The following BRI3BP variants were observed in gnomAD, a reference collection of about 807,000 sequenced individuals.
The protein encoded by BRI3BP is BRI3 binding protein, also known as BRI3-binding protein.
BRI3BP carries 7 observed loss-of-function variants against 15.8 expected under a neutral mutation model. The ratio of observed to expected loss-of-function variants is 0.44; its 90% CI spans 0.25 to 0.83. The LOEUF (loss-of-function observed/expected upper bound fraction) is 0.83, where lower values mean the gene tolerates loss of function less well. Among genes scored for constraint, BRI3BP ranks in the 40% least tolerant of loss-of-function variants. The probability of loss-of-function intolerance (pLI) is 0.20; values close to 1 mark genes in which losing one functional copy is unlikely to be tolerated. For synonymous variants in BRI3BP, 192 were observed against 163.5 expected, an observed-to-expected ratio of 1.17 and a Z score of -1.33; for missense variants, 320 against 339.3, an observed-to-expected ratio of 0.94 and a Z score of 0.45.
At chr12:125,006,889 G>A (rs1955148728) in intron 1 of BRI3BP, among the ~76,000 whole-genome samples, 1 of 152,042 alleles carries the variant, frequency 6.6e-6, no homozygotes, top group African/African-American at 2.4e-5. Context: ...CCCTCCATTT[G>A]AACAAATTAT....
the BRI3BP span, among the ~76,000 whole-genome samples, chr12:125,046,801 G>A: frequency 6.6e-6 from 1 of 152,088 alleles, no homozygotes; most frequent in Non-Finnish European, 1.5e-5. Flanking sequence ...ATTCACAAAG[G>A]TCTCACATAA....
At chr12:125,005,576 T>C (rs956096965) in intron 1 of BRI3BP, among the ~76,000 whole-genome samples, 1 of 151,928 alleles carries the variant, frequency 6.6e-6, no homozygotes, top group African/African-American at 2.4e-5. Context: ...CAAGACCAGT[T>C]TGGCCAACAT....
downstream of BRI3BP, among the ~76,000 whole-genome samples, chr12:125,034,701 T>G (rs1368257109): frequency 1.3e-5 from 2 of 151,854 alleles, no homozygotes; most frequent in Non-Finnish European, 2.9e-5. Context: ...GCAATTCTCC[T>G]GCCTCAGCCT....
rs1021399289 is a variant in BRI3BP at position 125,029,007 on chromosome 12, A to G, written c.*3577A>G. On this transcript the variant is annotated 3_prime_UTR_variant, in exon 3 of 3. Transcript: ENST00000341446. Reference sequence around the variant, plus strand: ...ACTGGTTCTGTTATAATTAAGACTCAGTGTTTAAAATATCTTAATCAGTGT... The same window carrying G: ...ACTGGTTCTGTTATAATTAAGACTCGGTGTTTAAAATATCTTAATCAGTGT... 6.6e-6 allele frequency: 1 copy of G among 152,186 alleles called. No individual in the cohort carries two copies. The highest frequency in any genetic ancestry group is 2.4e-5 in the African/African-American group (1 of 41,446). The allele number at this position is 152,186 out of a possible 1,614,324, so 9.4% of individuals were successfully genotyped here.
chr12:125,007,053 G>A (rs1415333010), intron 1 of BRI3BP, among the ~76,000 whole-genome samples: 2 of 151,892 alleles, frequency 1.3e-5, no homozygotes, highest in African/African-American at 2.4e-5. Context: ...ATAAAAATTA[G>A]CCAGGTATGG....
chr12:125,042,681 C>T, the BRI3BP span, among the ~76,000 whole-genome samples: 1 of 151,954 alleles, frequency 6.6e-6, no homozygotes, highest in Non-Finnish European at 1.5e-5. Flanking sequence ...ATTACAGGCA[C>T]CCACCACCAC....
chr12:125,040,004 C>T, the BRI3BP span, among the ~76,000 whole-genome samples: 1 of 152,156 alleles, frequency 6.6e-6, no homozygotes, highest in Non-Finnish European at 1.5e-5. Flanking sequence ...TGGCTCATGC[C>T]TATAATCCCA....
At chr12:125,013,522 C>G (rs1310319327) in intron 2 of BRI3BP, among the ~76,000 whole-genome samples, 1 of 152,216 alleles carries the variant, frequency 6.6e-6, no homozygotes, top group Non-Finnish European at 1.5e-5. Flanking sequence ...CACTTAATTT[C>G]CAAAGTCGTG....
downstream of BRI3BP, among the ~76,000 whole-genome samples, chr12:125,035,394 CTTTTT>C (rs55943185): frequency 4.5e-5 from 6 of 131,922 alleles, no homozygotes; most frequent in Non-Finnish European, 8.3e-5. Flanking sequence ...TAGGTATTGT[CTTTTT>C]TTTTTTTTTT....
intron 1 of BRI3BP, among the ~76,000 whole-genome samples, chr12:124,996,803 G>A (rs1955044881): frequency 6.9e-6 from 1 of 145,112 alleles, no homozygotes; most frequent in Non-Finnish European, 1.5e-5. Context: ...TTGTCGCCCA[G>A]GCTGGAATGC....
rs1001618083 is a variant in BRI3BP at position 124,993,699 on chromosome 12, C to G, written c.-92C>G. 8.4e-6 allele frequency: 6 copies of G among 717,370 alleles called. No individual in the cohort carries two copies. The highest frequency in any genetic ancestry group is 1.0e-5 in the Non-Finnish European group (6 of 587,104). 44.4% of individuals were successfully genotyped at this position (717,370 alleles called of 1,614,324 possible). A position where few individuals can be genotyped will look rare whatever the true frequency, so the allele number is the denominator to read the frequency against. On this transcript the variant is annotated 5_prime_UTR_variant, in exon 1 of 3. Transcript: ENST00000341446. ...GGGTAAAGGCGCGGCGCGCGGCCCC[C>G]GAGCGCGCCAACCTTGCCCTAGCCG...
At chr12:125,004,155 CTTTTTTAAATTTTTAAAT>C (rs1469874901) in intron 1 of BRI3BP, among the ~76,000 whole-genome samples, 2 of 152,096 alleles carry the variant, frequency 1.3e-5, no homozygotes, top group Non-Finnish European at 2.9e-5. Flanking sequence ...TTTTAAGTCT[CTTTTTTAAATTTTTAAAT>C]TTTTTTAAAA....
chr12:125,022,594 T>C (rs11057995), intron 2 of BRI3BP, among the ~76,000 whole-genome samples: 70,483 of 149,382 alleles, frequency 0.47, 18,461 homozygotes, highest in African/African-American at 0.69. Context: ...GTGGCGCCAT[T>C]GGCTCACTGC....
Position 124,993,897 on chromosome 12 carries a change from G to C in BRI3BP, c.107G>C (p.Arg36Pro). The C allele has an allele frequency of 7.9e-7, 1 of 1,266,908 alleles. No individual in the cohort carries two copies. The highest frequency in any genetic ancestry group is 2.3e-5 in the South Asian group (1 of 43,660). The allele number at this position is 1,266,908 out of a possible 1,614,324, so 78.5% of individuals were successfully genotyped here. Residue 36 changes from arginine to proline, a missense_variant, in exon 1 of 3, where the codon CGG becomes CCG. Transcript: ENST00000341446. Reference sequence around the variant, plus strand: ...CTGGCCCCGGGCGCGCAGGGGGCGCGGGGCCGCGGCGGCGCGGAGAAGAAC... The same window carrying C: ...CTGGCCCCGGGCGCGCAGGGGGCGCCGGGCCGCGGCGGCGCGGAGAAGAAC... ...GLLAPGAQGA[R>P]GRGGAEKNSY...
chr12:125,015,372 A>C (rs1035193427), intron 2 of BRI3BP, among the ~76,000 whole-genome samples: 2 of 152,158 alleles, frequency 1.3e-5, no homozygotes, highest in African/African-American at 4.8e-5. Context: ...GGACGGAGCC[A>C]CAAGCCAAGG....
rs1955383551 is a variant in BRI3BP, at chr12:125,029,152, G to T, written c.*3722G>T. 6.6e-6 allele frequency: 1 copy of T among 152,026 alleles called. No individual in the cohort carries two copies. The highest frequency in any genetic ancestry group is 2.1e-4 in the South Asian group (1 of 4,824). 9.4% of individuals were successfully genotyped at this position (152,026 alleles called of 1,614,324 possible). A position where few individuals can be genotyped will look rare whatever the true frequency, so the allele number is the denominator to read the frequency against. ...GCTGGAATTGTATGGATGTGTTGGG[G>T]TTGGTTTAGTGATCTCTTCCTTGAC... On this transcript the variant is annotated 3_prime_UTR_variant, in exon 3 of 3. Transcript: ENST00000341446.
intron 2 of BRI3BP, among the ~76,000 whole-genome samples, chr12:125,014,422 C>T (rs1312524803): frequency 6.6e-6 from 1 of 152,200 alleles, no homozygotes; most frequent in Non-Finnish European, 1.5e-5. Flanking sequence ...ATATAGTTGT[C>T]CTCACAGCCG....
At chr12:125,016,532 T>TG (rs1955245487) in intron 2 of BRI3BP, among the ~76,000 whole-genome samples, 2 of 93,604 alleles carry the variant, frequency 2.1e-5, no homozygotes, top group Non-Finnish European at 4.3e-5. Context: ...GGGTGGGGAG[T>TG]GGGGGGTAGG....
At chr12:125,014,381 C>T (rs988851662) in intron 2 of BRI3BP, among the ~76,000 whole-genome samples, 2 of 152,182 alleles carry the variant, frequency 1.3e-5, no homozygotes, top group African/African-American at 2.4e-5. Flanking sequence ...ACAGGCTCAC[C>T]GGTTCCCTAG....
Sources: allele counts gnomAD v4.1 joint callset (sites outside exome capture counted in the v4.1 genomes callset), GRCh38; gene constraint gnomAD v4.1.1; transcripts MANE v1.5; gene names NCBI Gene and HGNC (gene_info 2026-07-23, HGNC 2026-07-21).